The following ZFAND3 variants were observed in gnomAD, a reference collection of about 807,000 sequenced individuals.
ZFAND3 encodes AN1-type zinc finger protein 3.
Under a neutral mutation model 29.6 loss-of-function variants are expected in ZFAND3, and 10 were observed. The ratio of observed to expected loss-of-function variants is 0.34; its 90% CI spans 0.21 to 0.57. The LOEUF is 0.57. ZFAND3 is among the 20% of genes least tolerant of loss of function. ZFAND3 has a pLI of 0.86. For missense variants in ZFAND3, 230 were observed against 304.5 expected (o/e 0.76, Z 1.82); for synonymous variants, 128 against 112.6 (o/e 1.14, Z -0.87).
chr6:37,833,831 A>G (rs1763910516), intron 1 of ZFAND3, among the ~76,000 whole-genome samples: 1 of 151,754 alleles, frequency 6.6e-6, no homozygotes. Context: ...TCTCAAAAAA[A>G]AAAAAAAAAA....
chr6:38,151,023 CTTG>C (rs1167976476), intron 5 of ZFAND3, among the ~76,000 whole-genome samples: 2 of 152,182 alleles, frequency 1.3e-5, no homozygotes, highest in Admixed American at 6.5e-5. Flanking sequence ...TAGCCCTGAT[CTTG>C]TTCTCCCCAG....
chr6:38,052,916 C>T (rs1010445296), intron 2 of ZFAND3, among the ~76,000 whole-genome samples: 1 of 152,002 alleles, frequency 6.6e-6, no homozygotes, highest in African/African-American at 2.4e-5. Context: ...CGCCTGCAAT[C>T]CCAGCTACTT....
At chr6:37,980,163 CT>C (rs5875605) in intron 2 of ZFAND3, among the ~76,000 whole-genome samples, 117,677 of 141,618 alleles carry the variant, frequency 0.83, 50,131 homozygotes, top group Non-Finnish European at 0.93. Context: ...AGGTCACTGT[CT>C]TTTTTTTTTT....
chr6:38,118,678 G>A (rs1562006108), intron 5 of ZFAND3, among the ~76,000 whole-genome samples: 1 of 148,580 alleles, frequency 6.7e-6, no homozygotes, highest in Non-Finnish European at 1.5e-5. Context: ...GAGATCTAAA[G>A]ATGTAACCAG....
chr6:37,974,833 AATCCATTTATT>A (rs1175108107), intron 2 of ZFAND3, among the ~76,000 whole-genome samples: 1 of 152,100 alleles, frequency 6.6e-6, no homozygotes, highest in Non-Finnish European at 1.5e-5. Flanking sequence ...CAGACTGCCT[AATCCATTTATT>A]AGTTGATGGA....
chr6:38,000,336 G>A (rs1274151424), intron 2 of ZFAND3, among the ~76,000 whole-genome samples: 3 of 152,118 alleles, frequency 2.0e-5, no homozygotes, highest in African/African-American at 2.4e-5. Context: ...GTGAAAGAGC[G>A]AAAATTTCAT....
In ZFAND3 at chr6:37,832,857, C is replaced by CT. The variant is rs545391706; in HGVS notation, c.71+12851dup. ...ACACCTGCCAAATTTTAAAGTTTTT[C>CT]TTTTTTTTTTGTAGAGATGGGGGTC... On this transcript the variant is annotated intron_variant, in intron 1 of 5. Coordinates refer to ENST00000287218, the MANE Select transcript of ZFAND3 (RefSeq NM_021943.3). The CT allele has an allele frequency of 1.8e-3, 264 of 148,424 alleles. 1 individual carries two copies. The highest frequency in any genetic ancestry group is 4.1e-3 in the South Asian group (19 of 4,674). The allele number at this position is 148,424 out of a possible 1,614,324, so 9.2% of individuals were successfully genotyped here.
intron 3 of ZFAND3, among the ~76,000 whole-genome samples, chr6:38,077,896 CTACATGAGTAGGTAGCCCT>C (rs1267887321): frequency 6.6e-6 from 1 of 152,220 alleles, no homozygotes; most frequent in African/African-American, 2.4e-5. Context: ...GGATTGACCA[CTACATGAGTAGGTAGCCCT>C]GGGTTTTTTG....
intron 5 of ZFAND3, among the ~76,000 whole-genome samples, chr6:38,140,841 A>G (rs957458219): frequency 2.0e-5 from 3 of 152,192 alleles, no homozygotes; most frequent in African/African-American, 7.2e-5. Flanking sequence ...TATAGTGTGT[A>G]GTCTGACTTC....
At chr6:37,964,944 T>G (rs570390013) in intron 2 of ZFAND3, among the ~76,000 whole-genome samples, 1 of 152,290 alleles carries the variant, frequency 6.6e-6, no homozygotes, top group African/African-American at 2.4e-5. Context: ...GTGGACAGCA[T>G]ACAGTAGCAG....
At chr6:38,016,238 G>A (rs972311853) in intron 2 of ZFAND3, among the ~76,000 whole-genome samples, 1 of 152,136 alleles carries the variant, frequency 6.6e-6, no homozygotes, top group African/African-American at 2.4e-5. Flanking sequence ...TCTTAGAGGT[G>A]GGTTGTGAGA....
At chr6:37,841,812 T>G (rs981367201) in intron 1 of ZFAND3, among the ~76,000 whole-genome samples, 1 of 152,182 alleles carries the variant, frequency 6.6e-6, no homozygotes, top group East Asian at 1.9e-4. Context: ...ACAATTTATA[T>G]ACAGTGAAAA....
At chr6:38,004,584 G>T (rs923959312) in intron 2 of ZFAND3, among the ~76,000 whole-genome samples, 1 of 151,316 alleles carries the variant, frequency 6.6e-6, no homozygotes. Flanking sequence ...TAGGTCTTCA[G>T]ATTGAACGGT....
intron 2 of ZFAND3, among the ~76,000 whole-genome samples, chr6:38,022,122 A>G (rs1763364801): frequency 6.6e-6 from 1 of 152,222 alleles, no homozygotes; most frequent in Admixed American, 6.5e-5. Flanking sequence ...CTTGTAAGAA[A>G]TGCAGAATCT....
intron 2 of ZFAND3, among the ~76,000 whole-genome samples, chr6:38,029,859 A>G (rs1763517834): frequency 6.6e-6 from 1 of 152,056 alleles, no homozygotes; most frequent in African/African-American, 2.4e-5. Flanking sequence ...AAACATTGCT[A>G]CTATGTTTGT....
intron 1 of ZFAND3, among the ~76,000 whole-genome samples, chr6:37,915,184 T>C (rs1197453616): frequency 6.6e-6 from 1 of 152,244 alleles, no homozygotes; most frequent in Non-Finnish European, 1.5e-5. Flanking sequence ...CTTATGCAGC[T>C]TCCTCACTTC....
chr6:38,003,771 G>A (rs923690041), intron 2 of ZFAND3: 1 of 449,584 alleles, frequency 2.2e-6, no homozygotes, highest in African/African-American at 2.0e-5. Flanking sequence ...CTCCCAAAGT[G>A]CTGGGATTAC....
At chr6:38,055,574 T>G (rs1033756183) in intron 2 of ZFAND3, among the ~76,000 whole-genome samples, 1 of 152,216 alleles carries the variant, frequency 6.6e-6, no homozygotes. Flanking sequence ...CAGGAGGCGC[T>G]TAATTCTTAG....
At chr6:37,992,820 GT>G (rs988744388) in intron 2 of ZFAND3, among the ~76,000 whole-genome samples, 1 of 150,614 alleles carries the variant, frequency 6.6e-6, no homozygotes, top group Non-Finnish European at 1.5e-5. Flanking sequence ...ATTTTGGTTT[GT>G]TTTTTTGTTT....
Sources: gnomAD v4.1 joint callset for allele counts (sites outside exome capture counted in the v4.1 genomes callset) on GRCh38, gnomAD v4.1.1 for gene constraint, MANE v1.5 for transcripts, NCBI Gene and HGNC (gene_info 2026-07-23, HGNC 2026-07-21) for gene names.